Variants in SIRPG observed in about 807,000 individuals in gnomAD.
SIRPG encodes the protein signal-regulatory protein gamma.
A neutral mutation model predicts 35.7 loss-of-function variants in SIRPG; 38 were observed. The observed-to-expected ratio is 1.06, with a 90% CI of 0.82 to 1.40. The LOEUF is 1.40. Among genes scored for constraint, SIRPG ranks in the 40% most tolerant of loss-of-function variants. The pLI is 0.00. For missense variants in SIRPG, 519 were observed against 483.0 expected (o/e 1.07, Z -0.70); for synonymous variants, 215 against 190.4 (o/e 1.13, Z -1.06).
chr20:1,644,472 C>T (rs776247085), intron 2 of SIRPG, among the ~76,000 whole-genome samples: 2 of 152,210 alleles, frequency 1.3e-5, no homozygotes, highest in African/African-American at 4.8e-5. Context: ...TTTCCTTTGC[C>T]CTGGGAACTT....
At chr20:1,675,200 A>G in the SIRPG span, among the ~76,000 whole-genome samples, 1 of 151,994 alleles carries the variant, frequency 6.6e-6, no homozygotes, top group Non-Finnish European at 1.5e-5. Flanking sequence ...TCATCTCCTC[A>G]TCCTTAGTCC....
intron 5 of SIRPG, 46 bp downstream of exon 5, chr20:1,630,176 C>T: frequency 1.4e-6 from 2 of 1,438,922 alleles, no homozygotes. Flanking sequence ...GTTGGCCTTG[C>T]CCTTCTGAGA....
intron 1 of SIRPG, 136 bp from the exon 2 acceptor site, chr20:1,649,544 T>G: frequency 1.3e-6 from 1 of 740,788 alleles, no homozygotes; most frequent in Non-Finnish European, 2.2e-6. Flanking sequence ...ACTGCATGTA[T>G]TATCTCATTT....
intron 1 of SIRPG, among the ~76,000 whole-genome samples, chr20:1,654,011 G>T (rs992039489): frequency 1.3e-5 from 2 of 152,078 alleles, no homozygotes; most frequent in Non-Finnish European, 2.9e-5. Flanking sequence ...AGGCCGAAGC[G>T]AGCAGATCAC....
At chr20:1,676,986 G>A in the SIRPG span, 5 of 152,834 alleles carry the variant, frequency 3.3e-5, no homozygotes, top group African/African-American at 1.2e-4. Context: ...TGCATATCAG[G>A]AGCAGAGCTT....
chr20:1,665,815 T>A, the SIRPG span, among the ~76,000 whole-genome samples: 1 of 152,240 alleles, frequency 6.6e-6, no homozygotes, highest in African/African-American at 2.4e-5. Flanking sequence ...ACTATTTATG[T>A]CATTTTGCCC....
upstream of SIRPG, among the ~76,000 whole-genome samples, chr20:1,661,239 G>A (rs919960748): frequency 6.1e-4 from 93 of 152,148 alleles, 1 homozygote; most frequent in Non-Finnish European, 2.5e-4. Flanking sequence ...GGAGTACGAC[G>A]ATGATGAGCT....
the SIRPG span, among the ~76,000 whole-genome samples, chr20:1,677,463 A>G: frequency 6.6e-6 from 1 of 152,188 alleles, no homozygotes; most frequent in Admixed American, 6.5e-5. Context: ...CAAGGCTCTG[A>G]TGGAGTCTGC....
the SIRPG span, among the ~76,000 whole-genome samples, chr20:1,679,197 A>G: frequency 6.6e-6 from 1 of 152,186 alleles, no homozygotes; most frequent in African/African-American, 2.4e-5. Context: ...CAAAAACGCT[A>G]AAAGGAGTGC....
At chr20:1,667,870 T>C in the SIRPG span, among the ~76,000 whole-genome samples, 1 of 152,226 alleles carries the variant, frequency 6.6e-6, no homozygotes, top group Non-Finnish European at 1.5e-5. Flanking sequence ...TAGATAGCTT[T>C]GCTTTAATCA....
chr20:1,663,378 C>T, the SIRPG span, among the ~76,000 whole-genome samples: 1 of 152,096 alleles, frequency 6.6e-6, no homozygotes, highest in Non-Finnish European at 1.5e-5. Context: ...ACAATAGCAA[C>T]AGTTTGGAAG....
chr20:1,640,841 G>A (rs1193073205), intron 2 of SIRPG, among the ~76,000 whole-genome samples: 4 of 152,112 alleles, frequency 2.6e-5, no homozygotes, highest in Non-Finnish European at 5.9e-5. Flanking sequence ...TGTATTGAAG[G>A]CCTTTTCTGC....
chr20:1,653,162 T>C (rs1185949665), intron 1 of SIRPG, among the ~76,000 whole-genome samples: 1 of 152,206 alleles, frequency 6.6e-6, no homozygotes, highest in African/African-American at 2.4e-5. Context: ...AGAAATCTCA[T>C]GGAATAGAAT....
chr20:1,677,731 T>A, the SIRPG span, among the ~76,000 whole-genome samples: 1 of 152,054 alleles, frequency 6.6e-6, no homozygotes, highest in Non-Finnish European at 1.5e-5. Context: ...GTCAAGTATG[T>A]AAAGGTGAAG....
chr20:1,659,494 T>G (rs1428943554), upstream of SIRPG, among the ~76,000 whole-genome samples: 1 of 152,216 alleles, frequency 6.6e-6, no homozygotes, highest in African/African-American at 2.4e-5. Flanking sequence ...CATGAAGGAA[T>G]TATAACAGCT....
At chr20:1,684,840 T>C in the SIRPG span, among the ~76,000 whole-genome samples, 1 of 150,272 alleles carries the variant, frequency 6.7e-6, no homozygotes, top group Non-Finnish European at 1.5e-5. Context: ...AGCTTTCAAA[T>C]AGGGATGTTG....
intron 2 of SIRPG, chr20:1,646,085 A>G (rs966412784): frequency 2.0e-5 from 3 of 152,134 alleles, no homozygotes; most frequent in African/African-American, 7.2e-5. Flanking sequence ...AGGCTGGGAG[A>G]AATGAAGGCA....
At chr20:1,664,844 TTCCACG>T in the SIRPG span, among the ~76,000 whole-genome samples, 7 of 152,130 alleles carry the variant, frequency 4.6e-5, no homozygotes, top group African/African-American at 1.7e-4. Context: ...CCCGCATCCC[TTCCACG>T]CAGGCACTCA....
intron 1 of SIRPG, among the ~76,000 whole-genome samples, chr20:1,652,925 G>C (rs1038969028): frequency 6.6e-6 from 1 of 152,178 alleles, no homozygotes; most frequent in East Asian, 1.9e-4. Context: ...ATAGATATGT[G>C]TGTAATGTTT....
Sources: allele counts gnomAD v4.1 joint callset (sites outside exome capture counted in the v4.1 genomes callset), GRCh38; gene constraint gnomAD v4.1.1; transcripts MANE v1.5; gene names NCBI Gene and HGNC (gene_info 2026-07-23, HGNC 2026-07-21).